The following DNAH14 variants were observed in gnomAD, a reference collection of about 807,000 sequenced individuals.
DNAH14 encodes axonemal beta dynein heavy chain 14.
In DNAH14, 478 loss-of-function variants were observed where a neutral mutation model predicts 520.9. The observed-to-expected ratio is 0.92, with a 90% CI of 0.85 to 0.99. DNAH14 has a LOEUF of 0.99. Ranked by LOEUF, DNAH14 falls within the 50% of genes least tolerant of loss-of-function variation. DNAH14 has a pLI of 0.00. For missense variants in DNAH14, 4,831 were observed against 5,234.5 expected, an observed-to-expected ratio of 0.92 and a Z score of 2.38; for synonymous variants, 1,581 against 1,757.2, an observed-to-expected ratio of 0.90 and a Z score of 2.51.
intron 18 of DNAH14, among the ~76,000 whole-genome samples, chr1:225,079,962 C>A (rs936599780): frequency 3.3e-5 from 5 of 152,028 alleles, no homozygotes; most frequent in Non-Finnish European, 7.4e-5. Context: ...CTTGAGCCAC[C>A]GTGACCGGCC....
intron 22 of DNAH14, among the ~76,000 whole-genome samples, chr1:225,098,545 G>A (rs1017464379): frequency 6.6e-5 from 10 of 152,200 alleles, no homozygotes; most frequent in Admixed American, 1.3e-4. Flanking sequence ...AAGGGAAGCC[G>A]TTAGATTACA....
At chr1:225,288,089 A>C (rs1445472939) in intron 54 of DNAH14, among the ~76,000 whole-genome samples, 2 of 152,126 alleles carry the variant, frequency 1.3e-5, no homozygotes, top group Admixed American at 1.3e-4. Flanking sequence ...TCACTCCTTC[A>C]CTGAGGGCTG....
chr1:225,185,125 A>G (rs553170838), intron 36 of DNAH14, among the ~76,000 whole-genome samples, 166 bp from the exon 37 acceptor site: 8 of 152,114 alleles, frequency 5.3e-5, no homozygotes, highest in Non-Finnish European at 1.2e-4. Flanking sequence ...AAAAAAAATC[A>G]GTAGCATTTC....
chr1:225,185,548 G>T, intron 37 of DNAH14, 123 bp downstream of exon 37: 1 of 1,064,620 alleles, frequency 9.4e-7, no homozygotes, highest in Non-Finnish European at 1.3e-6. Flanking sequence ...TAGGAATTTT[G>T]TAGTTAAGAA....
chr1:224,994,049 G>C (rs1391938113), intron 8 of DNAH14, among the ~76,000 whole-genome samples: 2 of 151,952 alleles, frequency 1.3e-5, no homozygotes, highest in African/African-American at 4.8e-5. Context: ...AAAAATAATT[G>C]ATACTGTTTC....
chr1:225,347,803 G>A, intron 71 of DNAH14, among the ~76,000 whole-genome samples: 1 of 152,014 alleles, frequency 6.6e-6, no homozygotes, highest in Non-Finnish European at 1.5e-5. Flanking sequence ...AGATACATAA[G>A]GCAAACAAAG....
At chr1:225,006,725 A>G (rs1057324036) in intron 9 of DNAH14, among the ~76,000 whole-genome samples, 3 of 152,170 alleles carry the variant, frequency 2.0e-5, no homozygotes, top group African/African-American at 4.8e-5. Flanking sequence ...CTCATCAGTA[A>G]TTCTAATTTT....
intron 23 of DNAH14, among the ~76,000 whole-genome samples, chr1:225,106,653 T>C (rs2076074898): frequency 6.6e-6 from 1 of 152,242 alleles, no homozygotes; most frequent in Admixed American, 6.5e-5. Flanking sequence ...CGGATACTCT[T>C]TCTTCCAGTT....
intron 36 of DNAH14, among the ~76,000 whole-genome samples, chr1:225,180,136 G>A (rs1289324838): frequency 6.6e-6 from 1 of 151,944 alleles, no homozygotes; most frequent in African/African-American, 2.4e-5. Context: ...TCTGTACCTG[G>A]ATATGTATAT....
In DNAH14 at chr1:225,346,038, C is replaced by T; in HGVS notation, c.10755C>T (p.Arg3585=). The part of the protein sequence containing the change: ...SKMTSNEISK[R]IEATKKAESE... The stretch of plus-strand genomic sequence containing the variant: ...TGACATCAAACGAAATTTCAAAGCG[C>T]ATCGAAGCAACAAAAAAAGCTGAAA... The change falls in exon 70 of 86, where the codon CGC becomes CGT. Residue 3585 remains arginine (R), a synonymous_variant. Coordinates refer to ENST00000682510, the MANE Select transcript of DNAH14 (RefSeq NM_001367479.1). 1 of 1,551,590 alleles carries T rather than the reference C, an allele frequency of 6.4e-7. No individual in the cohort carries two copies. Among genetic ancestry groups the T allele is most frequent in the South Asian group, 1.2e-5 (1 of 84,054 alleles).
At chr1:225,220,675 A>G (rs933859477) in intron 41 of DNAH14, among the ~76,000 whole-genome samples, 2 of 152,172 alleles carry the variant, frequency 1.3e-5, no homozygotes, top group African/African-American at 4.8e-5. Flanking sequence ...ATGGAAAAAT[A>G]TTCCATGCTC....
chr1:225,102,666 T>TC (rs2075616113), intron 23 of DNAH14, among the ~76,000 whole-genome samples: 2 of 152,010 alleles, frequency 1.3e-5, no homozygotes, highest in Non-Finnish European at 2.9e-5. Flanking sequence ...TTTTCATGTG[T>TC]ATTTGGCTGC....
At chr1:225,310,532 G>T (rs539190435) in intron 60 of DNAH14, among the ~76,000 whole-genome samples, 6 of 152,034 alleles carry the variant, frequency 3.9e-5, no homozygotes, top group Non-Finnish European at 8.8e-5. Flanking sequence ...ACGTGCCATG[G>T]TAGTTTGCTG....
At chr1:225,335,523 ATATACATATG>A (rs1184528511) in intron 66 of DNAH14, among the ~76,000 whole-genome samples, 29 of 133,360 alleles carry the variant, frequency 2.2e-4, no homozygotes, top group South Asian at 1.1e-3. Context: ...ATATGTACAT[ATATACATATG>A]TACATATATA....
Position 225,082,655 on chromosome 1 carries a change from G to T in DNAH14, c.3243G>T (p.Arg1081Ser), listed in dbSNP as rs1328609334. The T allele has an allele frequency of 1.3e-6, 2 of 1,551,548 alleles. No individual in the cohort carries two copies. Among genetic ancestry groups the T allele is most frequent in the East Asian group, 2.4e-5 (1 of 40,882 alleles). Residue 1081 changes from arginine (R) to serine (S), a missense_variant, in exon 20 of 86, where the codon AGG (arginine) becomes AGT (serine). Physicochemically the swap from Arg to Ser is moderately radical, Grantham distance 110. Transcript: ENST00000682510. ...TGGGAAATCCCTGTCTCAAGCCAAG[G>T]CATTGGGAGGCTCTCCAGGAGATTA... ...IALGNPCLKPRHWEALQEIIG... is the reference protein window; with the variant it reads ...IALGNPCLKPSHWEALQEIIG...
intron 26 of DNAH14, among the ~76,000 whole-genome samples, chr1:225,122,440 A>G (rs957741580): frequency 1.3e-5 from 2 of 152,160 alleles, no homozygotes; most frequent in African/African-American, 4.8e-5. Flanking sequence ...GTGACACTCT[A>G]CTGTGCCTCT....
chr1:224,986,853 T>G (rs938545432), intron 8 of DNAH14, among the ~76,000 whole-genome samples: 1 of 152,106 alleles, frequency 6.6e-6, no homozygotes, highest in Non-Finnish European at 1.5e-5. Flanking sequence ...GAGAAAGAAA[T>G]AAAGGCCATC....
intron 26 of DNAH14, among the ~76,000 whole-genome samples, chr1:225,120,096 A>G (rs1373532051): frequency 2.0e-5 from 3 of 152,174 alleles, no homozygotes; most frequent in Admixed American, 6.5e-5. Flanking sequence ...CAGTTTTATT[A>G]TTACTCAACT....
chr1:224,939,085 T>A (rs2059232233), intron 1 of DNAH14, among the ~76,000 whole-genome samples: 1 of 152,144 alleles, frequency 6.6e-6, no homozygotes, highest in South Asian at 2.1e-4. Context: ...GAACTATACA[T>A]GTAAAAATGT....
Sources: allele counts gnomAD v4.1 joint callset (sites outside exome capture counted in the v4.1 genomes callset), GRCh38; gene constraint gnomAD v4.1.1; transcripts MANE v1.5; gene names NCBI Gene and HGNC (gene_info 2026-07-23, HGNC 2026-07-21).